UBE2D2: variants seen among roughly 807,000 people sequenced by gnomAD.
UBE2D2 encodes the protein ubiquitin conjugating enzyme E2 D2.
In UBE2D2, 2 loss-of-function variants were observed where a neutral mutation model predicts 24.2. The observed-to-expected ratio is 0.08, with a 90% CI of 0.03 to 0.26. UBE2D2 has a LOEUF of 0.26. Ranked by LOEUF, UBE2D2 falls within the 10% of genes least tolerant of loss-of-function variation. The pLI is 1.00. For synonymous variants in UBE2D2, 58 were observed against 56.5 expected (o/e 1.03, Z -0.12); for missense variants, 44 against 177.6 (o/e 0.25, Z 4.28).
rs989109377 is a variant in UBE2D2, at chr5:139,572,841, A to G, written c.24+11026A>G. Among the ~76,000 whole-genome samples the G allele has an allele frequency of 4.0e-5, 6 of 151,690 alleles. No homozygotes were observed. In the East Asian group the frequency reaches 5.9e-4, roughly 15 times the overall value. On this transcript the variant is annotated intron_variant, in intron 1 of 6. Transcript: ENST00000398733. Reference sequence around the variant, plus strand: ...GATTTTTGTATTTTTAGCAGGTTTCACCATGTTGACCAGGCTGGTCTTGAA... The same window carrying G: ...GATTTTTGTATTTTTAGCAGGTTTCGCCATGTTGACCAGGCTGGTCTTGAA...
At chr5:139,587,933 C>T (rs1753766203) in intron 1 of UBE2D2, among the ~76,000 whole-genome samples, 1 of 152,088 alleles carries the variant, frequency 6.6e-6, no homozygotes, top group African/African-American at 2.4e-5. Flanking sequence ...CGGGTATTAG[C>T]TAAGTTGCGA....
intron 6 of UBE2D2, among the ~76,000 whole-genome samples, chr5:139,623,816 C>T (rs569382069): frequency 5.9e-5 from 9 of 152,106 alleles, no homozygotes; most frequent in Admixed American, 2.0e-4. Context: ...CTCAGCCTCC[C>T]GAGTAGATGG....
chr5:139,535,119 G>T (rs112581147), intron 1 of UBE2D2, among the ~76,000 whole-genome samples: 4 of 151,478 alleles, frequency 2.6e-5, no homozygotes, highest in African/African-American at 9.7e-5. Flanking sequence ...TCCAGCCTGG[G>T]TGACAAAGTG....
intron 6 of UBE2D2, among the ~76,000 whole-genome samples, chr5:139,624,543 T>A (rs954293537): frequency 2.6e-5 from 4 of 152,212 alleles, no homozygotes; most frequent in African/African-American, 9.6e-5. Context: ...ACCCCAGCAC[T>A]TTGGGAGGCT....
intron 1 of UBE2D2, among the ~76,000 whole-genome samples, chr5:139,586,876 A>G (rs979925896): frequency 2.0e-5 from 3 of 152,220 alleles, no homozygotes; most frequent in Admixed American, 6.5e-5. Flanking sequence ...CGTTTACTTT[A>G]TCAGCATAAA....
At chr5:139,575,423 C>T (rs959950674) in intron 1 of UBE2D2, among the ~76,000 whole-genome samples, 1 of 152,010 alleles carries the variant, frequency 6.6e-6, no homozygotes, top group Non-Finnish European at 1.5e-5. Flanking sequence ...TTTACTTCAT[C>T]GTCACCCCAA....
At chr5:139,535,251 C>A (rs1297760968) in intron 1 of UBE2D2, among the ~76,000 whole-genome samples, 9 of 150,706 alleles carry the variant, frequency 6.0e-5, no homozygotes, top group Non-Finnish European at 1.0e-4. Flanking sequence ...TCAAGACCAG[C>A]CCGGCCAAGA....
intron 1 of UBE2D2, among the ~76,000 whole-genome samples, chr5:139,599,254 GT>G (rs200746744): frequency 2.5e-3 from 385 of 151,790 alleles, no homozygotes; most frequent in Middle Eastern, 0.024. Context: ...TTCCTTCAAA[GT>G]TTTTTCTACT....
In UBE2D2 at chr5:139,561,647, C is replaced by T. The variant is rs894150696; in HGVS notation, c.-145C>T. ...GCTGAGTGGGCCCCGGCCCTCAGCCCGTCCCGCCGGACCCGCTTTCCTCAA... is the reference window on the plus strand; with the variant it reads ...GCTGAGTGGGCCCCGGCCCTCAGCCTGTCCCGCCGGACCCGCTTTCCTCAA... On this transcript the variant is annotated 5_prime_UTR_variant, in exon 1 of 7. Transcript: ENST00000398733. 9 of 569,060 alleles carry T rather than the reference C, an allele frequency of 1.6e-5. No individual in the cohort carries two copies. Among genetic ancestry groups the T allele is most frequent in the African/African-American group, 1.2e-4 (6 of 50,352 alleles). The allele number at this position is 569,060 out of a possible 1,614,324, so 35.3% of individuals were successfully genotyped here.
chr5:139,544,327 G>A (rs888753738), intron 1 of UBE2D2, among the ~76,000 whole-genome samples: 18 of 146,656 alleles, frequency 1.2e-4, no homozygotes, highest in Non-Finnish European at 2.1e-4. Context: ...TGCTCTTGTC[G>A]CACAGGCTGG....
chr5:139,571,145 A>G (rs773334086), intron 1 of UBE2D2, among the ~76,000 whole-genome samples: 20 of 151,994 alleles, frequency 1.3e-4, no homozygotes, highest in Admixed American at 2.6e-4. Flanking sequence ...GCGGTGGCTC[A>G]TGCCTGTAAT....
chr5:139,614,286 C>T (rs188660212), intron 2 of UBE2D2, among the ~76,000 whole-genome samples: 1 of 152,100 alleles, frequency 6.6e-6, no homozygotes, highest in East Asian at 1.9e-4. Context: ...TCATTGCAGC[C>T]TCCACTTCTC....
At chr5:139,588,416 C>T (rs1050638959) in intron 1 of UBE2D2, among the ~76,000 whole-genome samples, 2 of 152,140 alleles carry the variant, frequency 1.3e-5, no homozygotes, top group Non-Finnish European at 2.9e-5. Context: ...GCTGGGGCTA[C>T]AGGAATGTGC....
rs371794569 is a variant in UBE2D2, at chr5:139,602,776, T to G, written c.88+2341T>G. 5.3e-5 allele frequency among the ~76,000 whole-genome samples: 8 copies of G among 152,330 alleles called. No homozygotes were observed. The East Asian group carries it at 1.5e-3, about 29-fold the overall frequency. On this transcript the variant is annotated intron_variant, in intron 2 of 6. Coordinates refer to ENST00000398733, the MANE Select transcript of UBE2D2 (RefSeq NM_003339.3). ...CAAAGCAAGGCCCTTTCACAAGGAT[T>G]ACTTTACAAATAGATAAATATTATA...
At chr5:139,541,178 A>C (rs1268711292) in intron 1 of UBE2D2, among the ~76,000 whole-genome samples, 3 of 150,108 alleles carry the variant, frequency 2.0e-5, no homozygotes, top group Non-Finnish European at 4.4e-5. Context: ...TGTGCCTGTA[A>C]TCCTAGCTAC....
chr5:139,597,330 T>C (rs190783791), intron 1 of UBE2D2, among the ~76,000 whole-genome samples: 2 of 152,358 alleles, frequency 1.3e-5, no homozygotes, highest in East Asian at 3.9e-4. Context: ...TGTAGCCTTA[T>C]GTCTGGCTTC....
upstream of UBE2D2, among the ~76,000 whole-genome samples, chr5:139,558,449 C>T (rs1171485864): frequency 6.6e-6 from 1 of 152,054 alleles, no homozygotes; most frequent in Non-Finnish European, 1.5e-5. Flanking sequence ...CAACCAAGCC[C>T]GGCTAATTTT....
At chr5:139,582,032 C>A (rs1234471301) in intron 1 of UBE2D2, among the ~76,000 whole-genome samples, 1 of 151,546 alleles carries the variant, frequency 6.6e-6, no homozygotes, top group East Asian at 1.9e-4. Context: ...GTTGCCCAGG[C>A]TGGAGTGCGA....
chr5:139,557,041 G>C (rs189798693), upstream of UBE2D2, among the ~76,000 whole-genome samples: 1,175 of 151,772 alleles, frequency 7.7e-3, 8 homozygotes, highest in Middle Eastern at 0.041. Context: ...CATCATGTTG[G>C]CCAGGCTGGT....
Sources: allele counts gnomAD v4.1 joint callset (sites outside exome capture counted in the v4.1 genomes callset), GRCh38; gene constraint gnomAD v4.1.1; transcripts MANE v1.5; gene names NCBI Gene and HGNC (gene_info 2026-07-23, HGNC 2026-07-21).